Variants in ZNF804B observed in about 807,000 individuals in gnomAD.
The protein encoded by ZNF804B is zinc finger protein 804B.
Under a neutral mutation model 101.4 loss-of-function variants are expected in ZNF804B, and 80 were observed. The ratio of observed to expected loss-of-function variants is 0.79; its 90% confidence interval spans 0.66 to 0.95. The LOEUF is 0.95. ZNF804B is among the 40% of genes least tolerant of loss of function. ZNF804B has a pLI of 0.00. For synonymous variants in ZNF804B, 622 were observed against 558.8 expected (o/e 1.11, Z -1.59); for missense variants, 1,673 against 1,561.9 (o/e 1.07, Z -1.20).
intron 1 of ZNF804B, among the ~76,000 whole-genome samples, chr7:88,956,165 A>C (rs1191334890): frequency 6.6e-6 from 1 of 151,610 alleles, no homozygotes; most frequent in Non-Finnish European, 1.5e-5. Context: ...TCATCTTGGA[A>C]AACAGTATGG....
rs2116014598 is a variant in ZNF804B at position 89,337,707 on chromosome 7, C to G, written c.*675C>G. Among the ~76,000 whole-genome samples, 2 of 152,088 alleles carry G rather than the reference C, an allele frequency of 1.3e-5. No individual in the cohort carries two copies. Among genetic ancestry groups the G allele is most frequent in the Middle Eastern group, 7.0e-3 (2 of 286 alleles). On this transcript the variant is annotated 3_prime_UTR_variant, in exon 4 of 4. Coordinates refer to ENST00000333190, the MANE Select transcript of ZNF804B (RefSeq NM_181646.5). ...ATAATTTTGTAATTGTAAGAATCAGCAAAATCTAAAACTAAGAATGTTTAA... is the reference window on the plus strand; with the variant it reads ...ATAATTTTGTAATTGTAAGAATCAGGAAAATCTAAAACTAAGAATGTTTAA...
intron 1 of ZNF804B, among the ~76,000 whole-genome samples, chr7:88,928,914 C>T (rs1660806143): frequency 6.6e-6 from 1 of 151,898 alleles, no homozygotes; most frequent in Admixed American, 6.6e-5. Context: ...TTTTAGTTGG[C>T]TCATATATGA....
chr7:89,248,659 A>C (rs1789488028), intron 2 of ZNF804B, among the ~76,000 whole-genome samples: 1 of 152,124 alleles, frequency 6.6e-6, no homozygotes, highest in Non-Finnish European at 1.5e-5. Flanking sequence ...GAGAAACAAA[A>C]GTACAATACC....
At chr7:89,219,123 A>C (rs1250222705) in intron 2 of ZNF804B, among the ~76,000 whole-genome samples, 2 of 151,960 alleles carry the variant, frequency 1.3e-5, no homozygotes, top group Non-Finnish European at 2.9e-5. Flanking sequence ...TCTTTGTTCA[A>C]GGGTCAACTG....
At chr7:89,138,423 A>G (rs1790668670) in intron 1 of ZNF804B, among the ~76,000 whole-genome samples, 1 of 152,098 alleles carries the variant, frequency 6.6e-6, no homozygotes, top group Non-Finnish European at 1.5e-5. Context: ...CTTGCTTTTT[A>G]TTTACAGGCT....
intron 1 of ZNF804B, among the ~76,000 whole-genome samples, chr7:88,836,867 C>T (rs1791221876): frequency 6.6e-6 from 1 of 151,896 alleles, no homozygotes; most frequent in Non-Finnish European, 1.5e-5. Context: ...CATTTATTTC[C>T]TGTCTGACAA....
chr7:88,856,544 G>A (rs1032782494), intron 1 of ZNF804B, among the ~76,000 whole-genome samples: 20 of 152,134 alleles, frequency 1.3e-4, no homozygotes, highest in African/African-American at 3.1e-4. Context: ...CAATCATGTC[G>A]TCTGCAAACA....
chr7:89,234,153 T>C (rs1216144704), intron 2 of ZNF804B, among the ~76,000 whole-genome samples: 1 of 152,216 alleles, frequency 6.6e-6, no homozygotes, highest in Non-Finnish European at 1.5e-5. Context: ...CTAGCTAATA[T>C]AATGAGCTTG....
intron 1 of ZNF804B, among the ~76,000 whole-genome samples, chr7:89,140,221 T>C (rs7787194): frequency 0.6 from 91,784 of 151,800 alleles, 28,133 homozygotes; most frequent in African/African-American, 0.71. Context: ...AAAAGTTGTG[T>C]TGCATTCCAG....
At chr7:89,314,537 A>G (rs756446553) in intron 2 of ZNF804B, among the ~76,000 whole-genome samples, 28 of 152,160 alleles carry the variant, frequency 1.8e-4, no homozygotes, top group Non-Finnish European at 4.0e-4. Flanking sequence ...CATTCCTTAT[A>G]TTTTAACATG....
intron 1 of ZNF804B, among the ~76,000 whole-genome samples, chr7:88,969,552 A>G (rs1387790575): frequency 6.6e-6 from 1 of 151,452 alleles, no homozygotes; most frequent in Non-Finnish European, 1.5e-5. Flanking sequence ...TTCCATCCCC[A>G]CTCAATTCTA....
intron 1 of ZNF804B, among the ~76,000 whole-genome samples, chr7:89,095,569 C>G (rs1290782902): frequency 6.6e-6 from 1 of 152,024 alleles, no homozygotes; most frequent in African/African-American, 2.4e-5. Flanking sequence ...TAACACAGGT[C>G]AGTGTAAATC....
At chr7:89,033,712 C>A (rs1190265948) in intron 1 of ZNF804B, among the ~76,000 whole-genome samples, 2 of 151,710 alleles carry the variant, frequency 1.3e-5, no homozygotes, top group South Asian at 4.2e-4. Context: ...AATACCTTTC[C>A]TGATGAATGA....
chr7:89,215,669 G>A (rs1209223764), intron 1 of ZNF804B, among the ~76,000 whole-genome samples: 4 of 151,514 alleles, frequency 2.6e-5, no homozygotes, highest in Non-Finnish European at 5.9e-5. Flanking sequence ...GCATCACGAG[G>A]TCCGGAGATC....
intron 1 of ZNF804B, among the ~76,000 whole-genome samples, chr7:89,151,179 A>G (rs1018142336): frequency 3.3e-5 from 5 of 152,066 alleles, no homozygotes; most frequent in African/African-American, 9.7e-5. Context: ...CCATCACTAA[A>G]TCTGAAATTT....
At chr7:89,261,230 C>G (rs924159545) in intron 2 of ZNF804B, among the ~76,000 whole-genome samples, 1 of 152,026 alleles carries the variant, frequency 6.6e-6, no homozygotes, top group Non-Finnish European at 1.5e-5. Context: ...CATGAATAAT[C>G]CATTTGTATG....
At chr7:88,997,214 T>A (rs1427674526) in intron 1 of ZNF804B, among the ~76,000 whole-genome samples, 1 of 152,114 alleles carries the variant, frequency 6.6e-6, no homozygotes, top group Non-Finnish European at 1.5e-5. Context: ...GTCATTAAGT[T>A]AACATCTTTT....
chr7:89,280,908 A>G (rs898391557), intron 2 of ZNF804B, among the ~76,000 whole-genome samples: 1 of 152,176 alleles, frequency 6.6e-6, no homozygotes, highest in Non-Finnish European at 1.5e-5. Context: ...CATTTTATAA[A>G]GGAGTTTTTT....
chr7:89,160,402 A>T (rs770613065), intron 1 of ZNF804B, among the ~76,000 whole-genome samples: 43 of 152,156 alleles, frequency 2.8e-4, no homozygotes, highest in Admixed American at 5.2e-4. Flanking sequence ...ATGCTCTGTG[A>T]TGGTTTCAAA....
Sources: allele counts gnomAD v4.1 joint callset (sites outside exome capture counted in the v4.1 genomes callset), GRCh38; gene constraint gnomAD v4.1.1; transcripts MANE v1.5; gene names NCBI Gene and HGNC (gene_info 2026-07-23, HGNC 2026-07-21).